Variants in MTHFD1 observed in about 807,000 individuals in gnomAD.
The protein encoded by MTHFD1 is methylenetetrahydrofolate dehydrogenase, cyclohydrolase and formyltetrahydrofolate synthetase 1.
MTHFD1 carries 44 observed loss-of-function variants against 110.3 expected under a neutral mutation model. That is an observed-to-expected ratio of 0.40 (90% confidence interval 0.31 to 0.51). The LOEUF is 0.51. MTHFD1 is among the 20% of genes least tolerant of loss of function. The pLI is 0.60. For synonymous variants in MTHFD1, 402 were observed against 428.8 expected (o/e 0.94, Z 0.77); for missense variants, 909 against 1,173.1 (o/e 0.77, Z 3.29).
Position 64,417,753 on chromosome 14 carries a change from A to T in MTHFD1, c.479-135A>T. 1 of 1,118,920 alleles carries T rather than the reference A, an allele frequency of 8.9e-7. No individual in the cohort carries two copies. The highest frequency in any genetic ancestry group is 1.3e-6 in the Non-Finnish European group (1 of 748,572). The allele number at this position is 1,118,920 out of a possible 1,614,324, so 69.3% of individuals were successfully genotyped here. A position where few individuals can be genotyped will look rare whatever the true frequency, so the allele number is the denominator to read the frequency against. Reference sequence around the variant, plus strand: ...GAGTTGAGAATATTATTGCCAAAGAAGGAATGCTTTTAGGAAGGTTTCTGT... The same window carrying T: ...GAGTTGAGAATATTATTGCCAAAGATGGAATGCTTTTAGGAAGGTTTCTGT... On this transcript the variant is annotated intron_variant, in intron 6 of 27. Transcript: ENST00000652337. This position sits in a 1 kb window ranked among gnomAD's most constrained non-coding sequence, Gnocchi z 4.4.
chr14:64,411,206 AT>A, intron 3 of MTHFD1, 57 bp downstream of exon 3: 1 of 1,368,764 alleles, frequency 7.3e-7, no homozygotes. Flanking sequence ...GGTCCTATCG[AT>A]TACCCCTTGC....
intron 21 of MTHFD1, among the ~76,000 whole-genome samples, chr14:64,444,076 G>A (rs1256142): frequency 0.57 from 85,646 of 149,986 alleles, 25,431 homozygotes; most frequent in African/African-American, 0.73. Flanking sequence ...TGTGGATGCA[G>A]CAGGGCTGAG....
At chr14:64,401,976 G>A (rs1406660898) in intron 2 of MTHFD1, among the ~76,000 whole-genome samples, 1 of 152,110 alleles carries the variant, frequency 6.6e-6, no homozygotes, top group Non-Finnish European at 1.5e-5. Flanking sequence ...AGAAAATTTG[G>A]CTTCATACAG....
At chr14:64,421,697 C>G (rs189082216) in intron 8 of MTHFD1, among the ~76,000 whole-genome samples, 2 of 151,828 alleles carry the variant, frequency 1.3e-5, no homozygotes, top group Admixed American at 6.5e-5. Flanking sequence ...GATCTCGGCT[C>G]ACTGCAAGCT....
At chr14:64,391,680 T>C (rs1457093280) in intron 1 of MTHFD1, among the ~76,000 whole-genome samples, 1 of 152,210 alleles carries the variant, frequency 6.6e-6, no homozygotes, top group Non-Finnish European at 1.5e-5. Flanking sequence ...AGTTGCCAAA[T>C]TATCTTTCTT....
intron 2 of MTHFD1, among the ~76,000 whole-genome samples, chr14:64,406,549 G>A (rs2077937556): frequency 6.8e-6 from 1 of 147,032 alleles, no homozygotes. Context: ...CTGGAGTGCA[G>A]GGGTGTGATC....
intron 22 of MTHFD1, 78 bp from the exon 23 acceptor site, chr14:64,448,139 G>A: frequency 9.9e-7 from 1 of 1,012,864 alleles, no homozygotes; most frequent in Non-Finnish European, 1.5e-6. Flanking sequence ...GCTCAAGGAG[G>A]TTGTTTGCCT....
chr14:64,396,321 A>G (rs1240948700), intron 1 of MTHFD1, among the ~76,000 whole-genome samples: 1 of 151,798 alleles, frequency 6.6e-6, no homozygotes, highest in Non-Finnish European at 1.5e-5. Flanking sequence ...TTGGAACACT[A>G]GGTGGCCTTA....
intron 7 of MTHFD1, 60 bp from the exon 8 acceptor site, chr14:64,419,754 G>T (rs892402050): frequency 1.7e-5 from 19 of 1,088,772 alleles, no homozygotes; most frequent in Non-Finnish European, 2.5e-5. Context: ...TCATTTCTGG[G>T]TTTTTTTTTG....
intron 26 of MTHFD1, among the ~76,000 whole-genome samples, chr14:64,457,735 C>T (rs1045433163): frequency 6.6e-6 from 1 of 152,144 alleles, no homozygotes; most frequent in Non-Finnish European, 1.5e-5. Flanking sequence ...GGATTATAGG[C>T]ATGAGCCACC....
chr14:64,406,919 ATC>A (rs1480240706), intron 2 of MTHFD1, among the ~76,000 whole-genome samples: 13 of 152,190 alleles, frequency 8.5e-5, no homozygotes, highest in African/African-American at 3.1e-4. Context: ...ATGCTCAAAG[ATC>A]TTGGGTAGCT....
intron 2 of MTHFD1, among the ~76,000 whole-genome samples, chr14:64,403,883 TTCA>T (rs2077918339): frequency 6.6e-6 from 1 of 152,188 alleles, no homozygotes. Flanking sequence ...TGTATATTTC[TTCA>T]TCAAGGGTGG....
intron 2 of MTHFD1, among the ~76,000 whole-genome samples, chr14:64,402,532 T>C (rs2077905609): frequency 6.6e-6 from 1 of 152,232 alleles, no homozygotes. Flanking sequence ...TGAATAATCA[T>C]TGCTTGTCAG....
At chr14:64,397,107 A>T (rs2077856991) in intron 1 of MTHFD1, among the ~76,000 whole-genome samples, 1 of 9,682 alleles carries the variant, frequency 1.0e-4, no homozygotes, top group East Asian at 2.6e-3. Flanking sequence ...TGCGTCTCAA[A>T]AAAAAAAAAA....
At chr14:64,393,423 A>T (rs1447073891) in intron 1 of MTHFD1, among the ~76,000 whole-genome samples, 5 of 152,138 alleles carry the variant, frequency 3.3e-5, no homozygotes, top group Admixed American at 2.6e-4. Context: ...GAAAAAAAAA[A>T]AAAATTTGCC....
At chr14:64,430,277 CGGG>C in intron 13 of MTHFD1, 47 bp downstream of exon 13, 1 of 1,553,978 alleles carries the variant, frequency 6.4e-7, no homozygotes, top group Non-Finnish European at 8.9e-7. Flanking sequence ...CTTTTTTTGT[CGGG>C]GGGGAGGGTG....
At chr14:64,444,971 T>G in intron 22 of MTHFD1, 1 of 544,384 alleles carries the variant, frequency 1.8e-6, no homozygotes, top group Non-Finnish European at 3.3e-6. Flanking sequence ...AGACCAGTGG[T>G]TGATTCTCAA....
At position 64,459,877 on chromosome 14, in the gene MTHFD1, A is replaced by C; in HGVS notation, c.*123A>C. On this transcript the variant is annotated 3_prime_UTR_variant, in exon 28 of 28. Coordinates refer to ENST00000652337, the MANE Select transcript of MTHFD1 (RefSeq NM_005956.4). Reference sequence around the variant, plus strand: ...GTCAGCCCCTGCCCAGAAGATCTGAAACTAATAGTAGGAGTTTCCCCAGAA... The same window carrying C: ...GTCAGCCCCTGCCCAGAAGATCTGACACTAATAGTAGGAGTTTCCCCAGAA... 6.5e-7 allele frequency: 1 copy of C among 1,536,096 alleles called. No homozygotes were observed. Among genetic ancestry groups the C allele is most frequent in the Non-Finnish European group, 8.7e-7 (1 of 1,146,870 alleles).
At chr14:64,436,261 A>AT (rs1451471748) in intron 16 of MTHFD1, among the ~76,000 whole-genome samples, 1 of 151,932 alleles carries the variant, frequency 6.6e-6, no homozygotes, top group Non-Finnish European at 1.5e-5. Flanking sequence ...TGCCCGGCTA[A>AT]TTTTTTGTAT....
Sources: allele counts gnomAD v4.1 joint callset (sites outside exome capture counted in the v4.1 genomes callset), GRCh38; gene constraint gnomAD v4.1.1; non-coding constraint Gnocchi (gnomAD v3.1); transcripts MANE v1.5; gene names NCBI Gene and HGNC (gene_info 2026-07-23, HGNC 2026-07-21).